The following NPHP4 variants were observed in gnomAD, a reference collection of about 807,000 sequenced individuals.
NPHP4 encodes nephrocystin-4.
Under a neutral mutation model 155.8 loss-of-function variants are expected in NPHP4, and 151 were observed. The observed-to-expected ratio is 0.97, with a 90% CI of 0.85 to 1.11. The LOEUF is 1.11. NPHP4 is among the 50% of genes least tolerant of loss of function. NPHP4 has a pLI of 0.00. For missense variants in NPHP4, 1,956 were observed against 1,925.7 expected (o/e 1.02, Z -0.29); for synonymous variants, 845 against 816.8 (o/e 1.03, Z -0.59).
chr1:5,904,072 G>A lies in NPHP4; in HGVS notation c.2143+545C>T, dbSNP rs537491281. 3.3e-5 allele frequency among the ~76,000 whole-genome samples: 5 copies of A among 152,302 alleles called. No individual in the cohort carries two copies. The South Asian group carries it at 1.0e-3, about 32-fold the overall frequency. On this transcript the variant is annotated intron_variant, in intron 16 of 29. Transcript: ENST00000378156. The stretch of plus-strand genomic sequence containing the variant: ...GATACAAAAACAGAATCCAGACTGT[G>A]GGGTGGACGCTCTACAGTACAATGT...
At chr1:5,947,717 C>T (rs900048012) in intron 8 of NPHP4, among the ~76,000 whole-genome samples, 1 of 152,162 alleles carries the variant, frequency 6.6e-6, no homozygotes, top group Non-Finnish European at 1.5e-5. Context: ...CTGGATTAAA[C>T]AGAGCAGCAG....
chr1:5,935,880 C>CA (rs983683172), intron 9 of NPHP4, among the ~76,000 whole-genome samples: 2 of 151,880 alleles, frequency 1.3e-5, no homozygotes, highest in African/African-American at 4.8e-5. Flanking sequence ...ATCTCAACAA[C>CA]AAAAAAATCA....
chr1:5,958,455 G>A (rs1011723602), intron 6 of NPHP4, among the ~76,000 whole-genome samples: 2 of 152,166 alleles, frequency 1.3e-5, no homozygotes, highest in South Asian at 4.1e-4. Flanking sequence ...AGCATTTTGG[G>A]AGGCCGAGGT....
intron 17 of NPHP4, chr1:5,888,661 G>C: frequency 1.6e-6 from 2 of 1,283,282 alleles, no homozygotes; most frequent in South Asian, 1.2e-5. Context: ...TTCTCCAAGA[G>C]GCAAGGAAAT....
Position 5,866,447 on chromosome 1 carries a change from T to G in NPHP4, c.3570A>C (p.Glu1190Asp), listed in dbSNP as rs555164. 2 of 1,594,442 alleles carry G rather than the reference T, an allele frequency of 1.3e-6. No homozygotes were observed. The highest frequency in any genetic ancestry group is 1.7e-6 in the Non-Finnish European group (2 of 1,168,434). Reference protein sequence around the residue: ...ICETQNVGPGEPRDIFLKVAS... With the variant: ...ICETQNVGPGDPRDIFLKVAS... ...CCACCTTCAGAAATATGTCCCGTGGTTCCCCGGGGCCCTGCCAACCAGATG... is the reference window on the plus strand; with the variant it reads ...CCACCTTCAGAAATATGTCCCGTGGGTCCCCGGGGCCCTGCCAACCAGATG... Residue 1190 changes from glutamate to aspartate, a missense_variant, in exon 26 of 30, where the codon GAA (glutamate) becomes GAC (aspartate). By Grantham distance (45) the Glu-to-Asp change is conservative (BLOSUM62 2). Transcript: ENST00000378156.
At chr1:5,865,803 G>T (rs138289051) in intron 26 of NPHP4, 446 of 163,950 alleles carry the variant, frequency 2.7e-3, no homozygotes, top group African/African-American at 0.01. Context: ...CTGAGACGTG[G>T]TCACGTGGCC....
chr1:5,982,353 C>G (rs72630649), intron 2 of NPHP4, among the ~76,000 whole-genome samples: 5 of 152,174 alleles, frequency 3.3e-5, no homozygotes, highest in Non-Finnish European at 7.4e-5. Context: ...GTATTCAGTA[C>G]AGTAATGTGC....
chr1:5,953,737 C>T (rs1345834959), intron 6 of NPHP4, among the ~76,000 whole-genome samples: 2 of 152,178 alleles, frequency 1.3e-5, no homozygotes, highest in Non-Finnish European at 2.9e-5. Flanking sequence ...GAGGGAAGGA[C>T]CCTGGGCTGC....
intron 8 of NPHP4, 114 bp from the exon 9 acceptor site, chr1:5,947,344 G>A (rs1332940101): frequency 6.3e-6 from 7 of 1,106,044 alleles, no homozygotes; most frequent in Non-Finnish European, 9.3e-6. Flanking sequence ...ACACAGGGGT[G>A]CTGCTGCAAC....
chr1:5,899,798 T>G (rs951842053), intron 16 of NPHP4, among the ~76,000 whole-genome samples: 3 of 152,018 alleles, frequency 2.0e-5, no homozygotes, highest in Non-Finnish European at 2.9e-5. Context: ...CCAAACATAC[T>G]GGTAAGAGAA....
intron 3 of NPHP4, among the ~76,000 whole-genome samples, chr1:5,977,853 G>A (rs1326584117): frequency 8.4e-6 from 1 of 118,558 alleles, no homozygotes; most frequent in Non-Finnish European, 1.8e-5. Context: ...AGGGAAGAAA[G>A]GAAGGAAGGG....
chr1:5,979,221 G>A (rs756412747), intron 2 of NPHP4, among the ~76,000 whole-genome samples: 22 of 152,168 alleles, frequency 1.4e-4, no homozygotes, highest in African/African-American at 5.1e-4. Context: ...TCTATTCTGC[G>A]CATTGACTCT....
Position 5,887,456 on chromosome 1 carries a change from C to G in NPHP4, c.2315G>C (p.Arg772Pro), listed in dbSNP as rs374899143. ...SAAVQMKHLL[R>P]QGRPAVQASH... is the part of the protein sequence containing the mutation. ...GGCCTGCACAGCCGGCCGGCCTTGG[C>G]GGAGGAGATGCTGCAGAAGAGAAAA... Residue 772 changes from arginine (R) to proline (P), a missense_variant, in exon 18 of 30, where the codon CGC becomes CCC. Arg to Pro is a moderately radical substitution (Grantham distance 103). Transcript: ENST00000378156. The G allele has an allele frequency of 6.2e-7, 1 of 1,612,942 alleles. No individual in the cohort carries two copies. Among genetic ancestry groups the G allele is most frequent in the African/African-American group, 1.3e-5 (1 of 74,936 alleles).
chr1:5,913,864 A>G (rs368225649), intron 11 of NPHP4, among the ~76,000 whole-genome samples: 155 of 152,322 alleles, frequency 1.0e-3, no homozygotes, highest in Non-Finnish European at 1.9e-3. Context: ...CATTCTATAC[A>G]TAACGCAGAG....
chr1:5,866,459 CT>C lies in NPHP4; in HGVS notation c.3559-2del. On this transcript the variant is annotated splice_acceptor_variant, in intron 25 of 29. Transcript: ENST00000378156. LOFTEE classifies it high-confidence loss of function. ...ATATGTCCCGTGGTTCCCCGGGGCC[CT>C]GCCAACCAGATGTGCAGCACATCAG... 2 of 1,581,122 alleles carry C rather than the reference CT, an allele frequency of 1.3e-6. No individual in the cohort carries two copies. The highest frequency in any genetic ancestry group is 1.7e-6 in the Non-Finnish European group (2 of 1,158,350).
intron 5 of NPHP4, among the ~76,000 whole-genome samples, chr1:5,964,917 T>TTATATATATATATATATA (rs4068402): frequency 2.1e-4 from 17 of 82,596 alleles, no homozygotes; most frequent in South Asian, 7.6e-4. Context: ...TACATATATA[T>TTATATATATATATATATA]TATATATATA....
rs115932716 is a variant in NPHP4, at chr1:5,882,101, G to T, written c.2486-1862C>A. 3 of 152,286 alleles carry T rather than the reference G, an allele frequency of 2.0e-5. No individual in the cohort carries two copies. The highest frequency in any genetic ancestry group is 7.2e-5 in the African/African-American group (3 of 41,418). 9.4% of individuals were successfully genotyped at this position (152,286 alleles called of 1,614,324 possible). On this transcript the variant is annotated intron_variant, in intron 18 of 29. Transcript: ENST00000378156. The surrounding 1 kb of genome is among the most constrained non-coding windows in gnomAD (Gnocchi z 5.1). ...CGGCCACGCTCACAGCCGTCACTGC[G>T]AAGGATGGGAAGGCTGGCTGCCTCC... is the stretch of plus-strand genomic sequence containing the variant.
At chr1:5,887,982 C>T (rs1274442021) in intron 17 of NPHP4, among the ~76,000 whole-genome samples, 1 of 152,218 alleles carries the variant, frequency 6.6e-6, no homozygotes, top group South Asian at 2.1e-4. Flanking sequence ...GCACAGGGCA[C>T]AGGGTACAGG....
At chr1:5,977,095 G>A (rs1261731667) in intron 3 of NPHP4, among the ~76,000 whole-genome samples, 2 of 152,036 alleles carry the variant, frequency 1.3e-5, no homozygotes, top group East Asian at 1.9e-4. Context: ...CTGCACACCC[G>A]TCGTGCTCAG....
Sources: gnomAD v4.1 joint callset for allele counts (sites outside exome capture counted in the v4.1 genomes callset) on GRCh38, gnomAD v4.1.1 for gene constraint, Gnocchi (gnomAD v3.1) non-coding constraint, MANE v1.5 for transcripts, NCBI Gene and HGNC (gene_info 2026-07-23, HGNC 2026-07-21) for gene names.